The following TXNL4A variants were observed in gnomAD, a reference collection of about 807,000 sequenced individuals.
TXNL4A encodes thioredoxin like 4A.
A neutral mutation model predicts 14.6 loss-of-function variants in TXNL4A; 17 were observed. That is an observed-to-expected ratio of 1.16 (90% CI 0.80 to 1.74). The LOEUF (loss-of-function observed/expected upper bound fraction) is 1.74. TXNL4A is among the 40% of genes most tolerant of loss of function. TXNL4A has a pLI of 0.00. For synonymous variants in TXNL4A, 83 were observed against 70.6 expected, an observed-to-expected ratio of 1.18 and a Z score of -0.88; for missense variants, 74 against 195.2, an observed-to-expected ratio of 0.38 and a Z score of 3.70.
intron 2 of TXNL4A, among the ~76,000 whole-genome samples, chr18:79,974,107 AG>A (rs1324001974): frequency 3.9e-5 from 6 of 152,132 alleles, no homozygotes; most frequent in African/African-American, 1.4e-4. Context: ...AGTTATTCTA[AG>A]GGGAAATTAA....
At chr18:80,019,842 G>A (rs993450583) in intron 1 of TXNL4A, among the ~76,000 whole-genome samples, 1 of 152,114 alleles carries the variant, frequency 6.6e-6, no homozygotes, top group African/African-American at 2.4e-5. Flanking sequence ...TTACCCTCAG[G>A]GTGTGTGTTT....
chr18:80,019,797 T>C (rs765387743), intron 1 of TXNL4A, among the ~76,000 whole-genome samples: 1 of 152,226 alleles, frequency 6.6e-6, no homozygotes, highest in African/African-American at 2.4e-5. Context: ...GCATTTGCTA[T>C]CTTATTAACT....
intron 1 of TXNL4A, among the ~76,000 whole-genome samples, chr18:80,012,168 C>T (rs1280285830): frequency 1.3e-5 from 2 of 152,136 alleles, no homozygotes; most frequent in African/African-American, 4.8e-5. Context: ...AAATATTAAG[C>T]ACTGATTTTC....
chr18:79,996,630 CCAA>C (rs1748264215), intron 1 of TXNL4A, among the ~76,000 whole-genome samples: 1 of 152,116 alleles, frequency 6.6e-6, no homozygotes, highest in African/African-American at 2.4e-5. Context: ...AAGCCAGGGA[CCAA>C]CAATATCAAC....
chr18:80,006,331 C>T (rs1299301856), intron 1 of TXNL4A, among the ~76,000 whole-genome samples: 5 of 151,978 alleles, frequency 3.3e-5, no homozygotes, highest in Non-Finnish European at 5.9e-5. Flanking sequence ...TTGCAGTGAG[C>T]CAAGATCATG....
At chr18:80,012,438 A>G (rs201894144) in intron 1 of TXNL4A, among the ~76,000 whole-genome samples, 3 of 152,216 alleles carry the variant, frequency 2.0e-5, no homozygotes, top group Non-Finnish European at 4.4e-5. Flanking sequence ...ACTGGGGACC[A>G]CTGCCACTAT....
chr18:79,996,212 C>A (rs1301365734), intron 1 of TXNL4A, among the ~76,000 whole-genome samples: 2 of 151,388 alleles, frequency 1.3e-5, no homozygotes, highest in Non-Finnish European at 2.9e-5. Context: ...CTAGGGTGCT[C>A]TGAGAAAGTA....
At chr18:80,020,058 G>T (rs1403528371) in intron 1 of TXNL4A, among the ~76,000 whole-genome samples, 1 of 152,106 alleles carries the variant, frequency 6.6e-6, no homozygotes, top group African/African-American at 2.4e-5. Flanking sequence ...TGTGGGGGCG[G>T]GTCTTTCCTG....
chr18:79,973,470 A>G lies in TXNL4A; in HGVS notation c.*215T>C, dbSNP rs1320993871. ...ATTAACTTTGACTAGGAAAATCAGT[A>G]ATCTATTCATTAAGTTTCCTGAGAA... On this transcript the variant is annotated 3_prime_UTR_variant, in exon 3 of 3. Coordinates refer to ENST00000269601, the MANE Select transcript of TXNL4A (RefSeq NM_006701.5). 5 of 492,624 alleles carry G rather than the reference A, an allele frequency of 1.0e-5. No individual in the cohort carries two copies. Among genetic ancestry groups the G allele is most frequent in the African/African-American group, 4.0e-5 (2 of 50,384 alleles). 30.5% of individuals were successfully genotyped at this position (492,624 alleles called of 1,614,324 possible).
chr18:80,009,183 CT>C (rs1015065135), intron 1 of TXNL4A, among the ~76,000 whole-genome samples: 6 of 151,680 alleles, frequency 4.0e-5, no homozygotes, highest in African/African-American at 1.5e-4. Context: ...GAAAGTAATA[CT>C]TTTTTTTTGT....
At chr18:79,983,700 A>C (rs193184531) in intron 1 of TXNL4A, among the ~76,000 whole-genome samples, 7 of 152,356 alleles carry the variant, frequency 4.6e-5, no homozygotes, top group African/African-American at 1.4e-4. Flanking sequence ...TGTTTGCCTT[A>C]ATCAGCTCTC....
chr18:79,996,174 AAAGAC>A (rs2051661358), intron 1 of TXNL4A, among the ~76,000 whole-genome samples: 1 of 152,022 alleles, frequency 6.6e-6, no homozygotes, highest in African/African-American at 2.4e-5. Context: ...AAATGAAAGA[AAAGAC>A]AAGAAAATGC....
chr18:79,992,496 G>A (rs1399080795), upstream of TXNL4A, among the ~76,000 whole-genome samples: 1 of 152,128 alleles, frequency 6.6e-6, no homozygotes, highest in African/African-American at 2.4e-5. Flanking sequence ...CTTACATACT[G>A]TGAAAGGAAA....
intron 1 of TXNL4A, among the ~76,000 whole-genome samples, chr18:80,013,266 G>A (rs2051784222): frequency 6.6e-6 from 1 of 151,308 alleles, no homozygotes; most frequent in Admixed American, 6.6e-5. Context: ...GGGACTATAG[G>A]TGCCCGCCAC....
intron 1 of TXNL4A, among the ~76,000 whole-genome samples, chr18:80,020,071 C>T (rs2051838335): frequency 6.6e-6 from 1 of 152,136 alleles, no homozygotes; most frequent in Non-Finnish European, 1.5e-5. Flanking sequence ...CTTTCCTGCA[C>T]TGTTCTCATG....
upstream of TXNL4A, among the ~76,000 whole-genome samples, chr18:79,992,264 G>C (rs1395223612): frequency 6.6e-6 from 1 of 152,196 alleles, no homozygotes; most frequent in Non-Finnish European, 1.5e-5. Flanking sequence ...TTTTCCTAAT[G>C]GTTAGTGACT....
chr18:80,005,099 A>C (rs2051721078), intron 1 of TXNL4A, among the ~76,000 whole-genome samples: 1 of 152,258 alleles, frequency 6.6e-6, no homozygotes, highest in Non-Finnish European at 1.5e-5. Context: ...CAGTAGAACC[A>C]TGAGGAAGGG....
chr18:79,988,654 C>G, upstream of TXNL4A: 1 of 315,144 alleles, frequency 3.2e-6, no homozygotes, highest in East Asian at 5.0e-5. Context: ...AGGCGCCGCG[C>G]GAACGTGTAG....
At position 80,013,517 on chromosome 18, in the gene TXNL4A, C is replaced by T. The variant is rs1440428182; in HGVS notation, c.-61+20334G>A. On this transcript the variant is annotated intron_variant, in intron 1 of 2. Transcript: ENST00000585474. ...TGGCATGATCTCAACTCACTGCAAC[C>T]TCTACCTCCCAGGTTCAAACGATTC... Among the ~76,000 whole-genome samples the T allele has an allele frequency of 3.3e-5, 5 of 152,090 alleles. No homozygotes were observed. In the East Asian group the frequency reaches 9.6e-4, roughly 29 times the overall value.
Sources: allele counts gnomAD v4.1 joint callset (sites outside exome capture counted in the v4.1 genomes callset), GRCh38; gene constraint gnomAD v4.1.1; transcripts MANE v1.5; gene names NCBI Gene and HGNC (gene_info 2026-07-23, HGNC 2026-07-21).